SLC6A3: variants seen among roughly 807,000 people sequenced by gnomAD.
SLC6A3 encodes the protein sodium-dependent dopamine transporter.
A neutral mutation model predicts 70.4 loss-of-function variants in SLC6A3; 19 were observed. The ratio of observed to expected loss-of-function variants is 0.27; its 90% CI spans 0.19 to 0.40. The LOEUF (loss-of-function observed/expected upper bound fraction) is 0.40. Among genes scored for constraint, SLC6A3 ranks in the 10% least tolerant of loss-of-function variants. The probability of loss-of-function intolerance (pLI) is 1.00; values close to 1 mark genes in which losing one functional copy is unlikely to be tolerated. For missense variants in SLC6A3, 613 were observed against 838.5 expected (o/e 0.73, Z 3.32); for synonymous variants, 368 against 356.6 (o/e 1.03, Z -0.36).
rs551409914 is a variant in SLC6A3, at chr5:1,438,154, C to G, written c.418+3205G>C. Among the ~76,000 whole-genome samples, 3 of 152,358 alleles carry G rather than the reference C, an allele frequency of 2.0e-5. No homozygotes were observed. Among genetic ancestry groups the G allele is most frequent in the Non-Finnish European group, 4.4e-5 (3 of 68,040 alleles). On this transcript the variant is annotated intron_variant, in intron 3 of 14. Transcript: ENST00000270349. The surrounding 1 kb of genome is among the most constrained non-coding windows in gnomAD (Gnocchi z 6.5). ...AGCTTTCTTGCACTGATTCATCTAT[C>G]CCTTCGTGGGTCGAACAGTTCACTT...
chr5:1,420,500 A>C (rs548402801), intron 6 of SLC6A3, 69 bp downstream of exon 6: 166 of 1,577,584 alleles, frequency 1.1e-4, no homozygotes, highest in Non-Finnish European at 1.4e-4. Flanking sequence ...CCTGGCAGGC[A>C]ATGCATATGG....
Position 1,393,069 on chromosome 5 carries a change from G to A in SLC6A3, c.*1666C>T, listed in dbSNP as rs1755617584. On this transcript the variant is annotated 3_prime_UTR_variant, in exon 15 of 15. Coordinates refer to ENST00000270349, the MANE Select transcript of SLC6A3 (RefSeq NM_001044.5). ...AAGCCGTCCTCTGTGTCCCTCCCCA[G>A]AAGGCAATGGGGAAGCCATCCTCTG... is the stretch of plus-strand genomic sequence containing the variant. 1 of 152,216 alleles carries A rather than the reference G, an allele frequency of 6.6e-6. No individual in the cohort carries two copies. Among genetic ancestry groups the A allele is most frequent in the Non-Finnish European group, 1.5e-5 (1 of 68,080 alleles). The allele number at this position is 152,216 out of a possible 1,614,324, so 9.4% of individuals were successfully genotyped here.
At chr5:1,431,323 G>T (rs1756696127) in intron 4 of SLC6A3, among the ~76,000 whole-genome samples, 2 of 152,262 alleles carry the variant, frequency 1.3e-5, no homozygotes, top group Non-Finnish European at 2.9e-5. Flanking sequence ...GACTTCATCG[G>T]AGACATCGGG....
intron 4 of SLC6A3, among the ~76,000 whole-genome samples, chr5:1,428,697 C>T (rs1362435910): frequency 1.3e-5 from 2 of 152,168 alleles, no homozygotes; most frequent in African/African-American, 4.8e-5. Flanking sequence ...GTTTCATTTG[C>T]CAACCCTGAG....
Position 1,432,451 on chromosome 5 carries a change from G to A in SLC6A3, c.653+13C>T, listed in dbSNP as rs16878300. On this transcript the variant is annotated intron_variant, in intron 4 of 14. Coordinates refer to ENST00000270349, the MANE Select transcript of SLC6A3 (RefSeq NM_001044.5). Reference sequence around the variant, plus strand: ...CCATCTCTCCCGTTCCCGAGGACCCGACTCCCACTTACTCAAAGTACTCGG... The same window carrying A: ...CCATCTCTCCCGTTCCCGAGGACCCAACTCCCACTTACTCAAAGTACTCGG... The A allele has an allele frequency of 1.8e-3, 2,843 of 1,601,592 alleles. 44 individuals carry two copies. In the African/African-American group the frequency reaches 0.031, roughly 18 times the overall value.
chr5:1,420,829 T>G (rs1756418690), intron 5 of SLC6A3, 126 bp from the exon 6 acceptor site: 1 of 990,976 alleles, frequency 1.0e-6, no homozygotes, highest in Non-Finnish European at 1.6e-6. Context: ...TTCCCAAACA[T>G]TTCCTGGGAC....
intron 9 of SLC6A3, among the ~76,000 whole-genome samples, chr5:1,410,436 G>A (rs1333968363): frequency 6.6e-6 from 1 of 152,134 alleles, no homozygotes; most frequent in African/African-American, 2.4e-5. Flanking sequence ...ATATGAGTGG[G>A]GGGCCGGGTG....
At chr5:1,430,779 G>A (rs1303454021) in intron 4 of SLC6A3, among the ~76,000 whole-genome samples, 1 of 15,864 alleles carries the variant, frequency 6.3e-5, no homozygotes, top group Admixed American at 5.1e-4. Flanking sequence ...CAGCAGAGGC[G>A]AGGTGGGGGC....
chr5:1,408,023 C>T lies in SLC6A3; in HGVS notation c.1498+1003G>A, dbSNP rs1006132570. Among the ~76,000 whole-genome samples, 3 of 151,378 alleles carry T rather than the reference C, an allele frequency of 2.0e-5. No homozygotes were observed. Among genetic ancestry groups the T allele is most frequent in the South Asian group, 2.1e-4 (1 of 4,784 alleles). Reference sequence around the variant, plus strand: ...ACATTTTTTTTTTTCTTTTTTGAGACGGAGTCTCACTCTGTTGCCCAGGCT... The same window carrying T: ...ACATTTTTTTTTTTCTTTTTTGAGATGGAGTCTCACTCTGTTGCCCAGGCT... On this transcript the variant is annotated intron_variant, in intron 11 of 14. Transcript: ENST00000270349. This position sits in a 1 kb window ranked among gnomAD's most constrained non-coding sequence, Gnocchi z 6.4.
At chr5:1,440,861 G>A (rs752249096) in intron 3 of SLC6A3, among the ~76,000 whole-genome samples, 13 of 152,278 alleles carry the variant, frequency 8.5e-5, no homozygotes, top group South Asian at 2.1e-4. Flanking sequence ...GACAATAAAC[G>A]TGTGCCTTTT....
At position 1,442,070 on chromosome 5, in the gene SLC6A3, A is replaced by G. The variant is rs747311788; in HGVS notation, c.287-580T>C. 5.3e-5 allele frequency among the ~76,000 whole-genome samples: 8 copies of G among 151,854 alleles called. No homozygotes were observed. The highest frequency in any genetic ancestry group is 9.7e-5 in the African/African-American group (4 of 41,324). ...CCACCCCCAGCACAAAGCCCAGGGA[A>G]CCCTGGTCTCAACCTCCTAAATTCC... is the stretch of plus-strand genomic sequence containing the variant. On this transcript the variant is annotated intron_variant, in intron 2 of 14. Transcript: ENST00000270349. This position sits in a 1 kb window ranked among gnomAD's most constrained non-coding sequence, Gnocchi z 5.0.
intron 4 of SLC6A3, 56 bp downstream of exon 4, chr5:1,432,408 A>C: frequency 7.3e-7 from 1 of 1,373,296 alleles, no homozygotes; most frequent in Non-Finnish European, 1.0e-6. Context: ...AGGGGCTACC[A>C]TGGGGGACCT....
rs976858442 is a variant in SLC6A3, at chr5:1,405,405, C to T, written c.1599+783G>A. 5.3e-5 allele frequency among the ~76,000 whole-genome samples: 8 copies of T among 152,214 alleles called. No homozygotes were observed. The South Asian group carries it at 6.2e-4, about 12-fold the overall frequency. On this transcript the variant is annotated intron_variant, in intron 12 of 14. Transcript: ENST00000270349. The surrounding 1 kb of genome is among the most constrained non-coding windows in gnomAD (Gnocchi z 5.3). ...CCAGCCCTTGGTCCATGAGAGGGTG[C>T]GGCCTGAGTCCCCTGCCCTGTTCCA...
At chr5:1,441,539 C>A in intron 2 of SLC6A3, 49 bp from the exon 3 acceptor site, 7 of 1,602,794 alleles carry the variant, frequency 4.4e-6, no homozygotes, top group Non-Finnish European at 6.0e-6. Context: ...AAGGGCCCAT[C>A]TCTCCTCGTG....
Position 1,437,682 on chromosome 5 carries a change from G to C in SLC6A3, c.418+3677C>G, listed in dbSNP as rs1189637856. 2.6e-5 allele frequency among the ~76,000 whole-genome samples: 4 copies of C among 152,344 alleles called. No homozygotes were observed. The highest frequency in any genetic ancestry group is 9.6e-5 in the African/African-American group (4 of 41,584). ...ATGAACTCCGCCCTCTGGCTTTCAA[G>C]GGTGGATCTTGGCTCCCAGTTAGGA... On this transcript the variant is annotated intron_variant, in intron 3 of 14. Coordinates refer to ENST00000270349, the MANE Select transcript of SLC6A3 (RefSeq NM_001044.5). The surrounding 1 kb of genome is among the most constrained non-coding windows in gnomAD (Gnocchi z 4.8).
chr5:1,439,325 G>A (rs1244992208), intron 3 of SLC6A3, among the ~76,000 whole-genome samples: 33 of 138,598 alleles, frequency 2.4e-4, no homozygotes, highest in African/African-American at 8.0e-4. Flanking sequence ...GTGTGGGGTG[G>A]GGGTGGGGGT....
rs560706596 is a variant in SLC6A3 at position 1,430,318 on chromosome 5, G to A, written c.653+2146C>T. Among the ~76,000 whole-genome samples the A allele has an allele frequency of 2.0e-3, 306 of 152,228 alleles. 1 individual carries two copies. Among genetic ancestry groups the A allele is most frequent in the African/African-American group, 6.8e-3 (284 of 41,544 alleles). On this transcript the variant is annotated intron_variant, in intron 4 of 14. Transcript: ENST00000270349. Reference sequence around the variant, plus strand: ...AAGGCCCACACAACGCTCACCCCACGCGACCCATGGTCTTCCTCATGCTCT... The same window carrying A: ...AAGGCCCACACAACGCTCACCCCACACGACCCATGGTCTTCCTCATGCTCT...
In SLC6A3 at chr5:1,408,378, C is replaced by G. The variant is rs1363730559; in HGVS notation, c.1498+648G>C. On this transcript the variant is annotated intron_variant, in intron 11 of 14. Coordinates refer to ENST00000270349, the MANE Select transcript of SLC6A3 (RefSeq NM_001044.5). The surrounding 1 kb of genome is among the most constrained non-coding windows in gnomAD (Gnocchi z 6.4). ...GGCGAGATGCCCTGGCTCGGCCTCG[C>G]CACTTCCCTGGAAGTGAGCTGGCCA... Among the ~76,000 whole-genome samples, 1 of 152,112 alleles carries G rather than the reference C, an allele frequency of 6.6e-6. No individual in the cohort carries two copies. The highest frequency in any genetic ancestry group is 1.5e-5 in the Non-Finnish European group (1 of 68,022).
Position 1,415,262 on chromosome 5 carries a change from T to C in SLC6A3, c.1032-447A>G, listed in dbSNP as rs572312726. On this transcript the variant is annotated intron_variant, in intron 7 of 14. Coordinates refer to ENST00000270349, the MANE Select transcript of SLC6A3 (RefSeq NM_001044.5). ...GGCCTGGGGGCCCCACTCTGAGGGC[T>C]GAGAAACCAGAGAGCTGGAGGCAAG... 7.2e-5 allele frequency among the ~76,000 whole-genome samples: 11 copies of C among 152,158 alleles called. No homozygotes were observed. In the South Asian group the frequency reaches 2.3e-3, roughly 32 times the overall value.
Sources: allele counts gnomAD v4.1 joint callset (sites outside exome capture counted in the v4.1 genomes callset), GRCh38; gene constraint gnomAD v4.1.1; non-coding constraint Gnocchi (gnomAD v3.1); transcripts MANE v1.5; gene names NCBI Gene and HGNC (gene_info 2026-07-23, HGNC 2026-07-21).